PTPRG: variants seen among roughly 807,000 people sequenced by gnomAD.
PTPRG encodes protein tyrosine phosphatase receptor type G.
In PTPRG, 102 loss-of-function variants were observed where a neutral mutation model predicts 165.3. The observed-to-expected ratio is 0.62, with a 90% CI of 0.53 to 0.73. PTPRG has a LOEUF of 0.73. Among genes scored for constraint, PTPRG ranks in the 30% least tolerant of loss-of-function variants. PTPRG has a pLI of 0.00. For synonymous variants in PTPRG, 675 were observed against 669.5 expected, an observed-to-expected ratio of 1.01 and a Z score of -0.13; for missense variants, 1,866 against 1,861.4, an observed-to-expected ratio of 1.00 and a Z score of -0.05.
intron 15 of PTPRG, among the ~76,000 whole-genome samples, chr3:62,249,912 A>G (rs1701373357): frequency 6.6e-6 from 1 of 152,170 alleles, no homozygotes; most frequent in Non-Finnish European, 1.5e-5. Flanking sequence ...ATTACTTGAT[A>G]ATGACAGTAG....
chr3:61,660,578 T>C (rs1702628748), intron 1 of PTPRG, among the ~76,000 whole-genome samples: 1 of 152,200 alleles, frequency 6.6e-6, no homozygotes, highest in Non-Finnish European at 1.5e-5. Context: ...AGTTTCTCAT[T>C]TGTTAAAGGC....
rs2033047994 is a variant in PTPRG at position 61,742,837 on chromosome 3, T to C, written c.86-6041T>C. The C allele has an allele frequency of 5.0e-6, 8 of 1,592,088 alleles. No homozygotes were observed. The Admixed American group carries it at 1.2e-4, about 23-fold the overall frequency. ...CAGTTTTTTATTCTTTTTGAGTTTTTTCAGCGCCTCGATGTCCATGTGGGG... is the reference window on the plus strand; with the variant it reads ...CAGTTTTTTATTCTTTTTGAGTTTTCTCAGCGCCTCGATGTCCATGTGGGG... On this transcript the variant is annotated intron_variant, in intron 1 of 29. Coordinates refer to ENST00000474889, the MANE Select transcript of PTPRG (RefSeq NM_002841.4).
chr3:61,585,520 G>T (rs1028924273), intron 1 of PTPRG, among the ~76,000 whole-genome samples: 1 of 150,826 alleles, frequency 6.6e-6, no homozygotes, highest in African/African-American at 2.4e-5. Context: ...TGAGGAGGGC[G>T]GATTGCTTGA....
chr3:62,222,179 A>G lies in PTPRG; in HGVS notation c.2288+3196A>G, dbSNP rs79105435. ...TTTCTATTGCAGTTGACAAAAATCC[A>G]TTTCAAAATGCCTTAAAGCTCAAGG... On this transcript the variant is annotated intron_variant, in intron 13 of 29. Transcript: ENST00000474889. This position sits in a 1 kb window ranked among gnomAD's most constrained non-coding sequence, Gnocchi z 4.5. Among the ~76,000 whole-genome samples the G allele has an allele frequency of 2.0e-5, 3 of 152,254 alleles. No homozygotes were observed. The highest frequency in any genetic ancestry group is 3.9e-4 in the East Asian group (2 of 5,176).
chr3:62,285,694 T>C (rs1160292290), intron 28 of PTPRG, among the ~76,000 whole-genome samples: 2 of 152,170 alleles, frequency 1.3e-5, no homozygotes, highest in African/African-American at 4.8e-5. Context: ...AAGATTATTC[T>C]GCTCAGAGGC....
intron 1 of PTPRG, among the ~76,000 whole-genome samples, chr3:61,568,797 A>G (rs1324042976): frequency 1.3e-5 from 2 of 151,926 alleles, no homozygotes; most frequent in East Asian, 3.9e-4. Context: ...AGTCCCAGCT[A>G]CTCGGGAGGC....
chr3:62,124,570 G>C (rs1028613417), intron 5 of PTPRG: 9 of 1,344,466 alleles, frequency 6.7e-6, no homozygotes, highest in Non-Finnish European at 8.5e-6. Flanking sequence ...CCAACAGGCT[G>C]TTTTTCCTAA....
intron 1 of PTPRG, among the ~76,000 whole-genome samples, chr3:61,686,128 A>G (rs921786512): frequency 1.3e-5 from 2 of 152,174 alleles, no homozygotes; most frequent in Non-Finnish European, 2.9e-5. Context: ...ACCGAGATGC[A>G]TGCATGTCCA....
chr3:61,738,163 G>A (rs1332188126), intron 1 of PTPRG, among the ~76,000 whole-genome samples: 8 of 149,178 alleles, frequency 5.4e-5, no homozygotes, highest in Non-Finnish European at 1.0e-4. Flanking sequence ...CTCCCAAAGT[G>A]CTGGGATTAC....
At chr3:61,864,326 A>G (rs1399375016) in intron 2 of PTPRG, among the ~76,000 whole-genome samples, 1 of 152,172 alleles carries the variant, frequency 6.6e-6, no homozygotes, top group African/African-American at 2.4e-5. Flanking sequence ...TATCTCACAG[A>G]AATGTCAAGA....
intron 2 of PTPRG, among the ~76,000 whole-genome samples, chr3:61,937,878 T>C (rs1485297932): frequency 6.6e-6 from 1 of 152,042 alleles, no homozygotes; most frequent in African/African-American, 2.4e-5. Context: ...TCACTGGTGC[T>C]GCCAAGAAGC....
chr3:62,151,728 G>C (rs1261395156), intron 6 of PTPRG, among the ~76,000 whole-genome samples: 1 of 151,880 alleles, frequency 6.6e-6, no homozygotes, highest in African/African-American at 2.4e-5. Flanking sequence ...GGAATGTTTT[G>C]AATTCAAATG....
At chr3:61,887,783 A>G (rs2038094015) in intron 2 of PTPRG, among the ~76,000 whole-genome samples, 1 of 152,130 alleles carries the variant, frequency 6.6e-6, no homozygotes, top group South Asian at 2.1e-4. Context: ...TGAAGACCTC[A>G]GAGTATCTTT....
At chr3:62,065,350 C>G (rs1700976969) in intron 4 of PTPRG, among the ~76,000 whole-genome samples, 1 of 152,174 alleles carries the variant, frequency 6.6e-6, no homozygotes, top group East Asian at 1.9e-4. Flanking sequence ...CGCATGAGAC[C>G]AGGGCTGAAA....
rs116608002 is a variant in PTPRG at position 62,136,903 on chromosome 3, C to A, written c.682+4235C>A. 1.7e-3 allele frequency among the ~76,000 whole-genome samples: 266 copies of A among 152,300 alleles called. 1 individual carries two copies. The highest frequency in any genetic ancestry group is 6.3e-3 in the African/African-American group (262 of 41,572). On this transcript the variant is annotated intron_variant, in intron 6 of 29. Coordinates refer to ENST00000474889, the MANE Select transcript of PTPRG (RefSeq NM_002841.4). Reference sequence around the variant, plus strand: ...TGTGCAGCGTGAAAACAGACTAATACAGTAACATTGCTTCTCTATTGCTTT... The same window carrying A: ...TGTGCAGCGTGAAAACAGACTAATAAAGTAACATTGCTTCTCTATTGCTTT...
At position 61,850,993 on chromosome 3, in the gene PTPRG, G is replaced by A. The variant is rs374093079; in HGVS notation, c.190+102011G>A. Among the ~76,000 whole-genome samples, 6 of 152,170 alleles carry A rather than the reference G, an allele frequency of 3.9e-5. No homozygotes were observed. The East Asian group carries it at 1.2e-3, about 29-fold the overall frequency. On this transcript the variant is annotated intron_variant, in intron 2 of 29. Coordinates refer to ENST00000474889, the MANE Select transcript of PTPRG (RefSeq NM_002841.4). ...CTCCAGCACTGTCCATAGGTGTCAG[G>A]TTAGGTAAGATTCTTAGAATGTTAA...
chr3:62,098,921 G>T (rs749103630), intron 5 of PTPRG, among the ~76,000 whole-genome samples: 2 of 152,178 alleles, frequency 1.3e-5, no homozygotes, highest in Non-Finnish European at 2.9e-5. Context: ...AGATATAGGG[G>T]TGTGAAGTGT....
intron 1 of PTPRG, among the ~76,000 whole-genome samples, chr3:61,609,558 T>G (rs1701108741): frequency 6.6e-6 from 1 of 152,216 alleles, no homozygotes; most frequent in Non-Finnish European, 1.5e-5. Flanking sequence ...TCTTTCTTTT[T>G]TTAAAATAAG....
At chr3:62,282,554 CA>C (rs5849472) in intron 27 of PTPRG, among the ~76,000 whole-genome samples, 172 bp from the exon 28 acceptor site, 115 of 138,552 alleles carry the variant, frequency 8.3e-4, no homozygotes, top group African/African-American at 1.6e-3. Flanking sequence ...AACAAAAAAA[CA>C]AAAAAAAAAA....
Sources: allele counts gnomAD v4.1 joint callset (sites outside exome capture counted in the v4.1 genomes callset), GRCh38; gene constraint gnomAD v4.1.1; non-coding constraint Gnocchi (gnomAD v3.1); transcripts MANE v1.5; gene names NCBI Gene and HGNC (gene_info 2026-07-23, HGNC 2026-07-21).